The following SCARF2 variants were observed in gnomAD, a reference collection of about 807,000 sequenced individuals.
The protein encoded by SCARF2 is scavenger receptor expressed by endothelial cells 2 protein.
A neutral mutation model predicts 73.4 loss-of-function variants in SCARF2; 39 were observed. The ratio of observed to expected loss-of-function variants is 0.53; its 90% CI spans 0.41 to 0.69. The LOEUF (loss-of-function observed/expected upper bound fraction) is 0.69. Ranked by LOEUF, SCARF2 falls within the 30% of genes least tolerant of loss-of-function variation. The pLI is 0.00. For synonymous variants in SCARF2, 605 were observed against 590.0 expected, an observed-to-expected ratio of 1.03 and a Z score of -0.37; for missense variants, 1,148 against 1,303.5, an observed-to-expected ratio of 0.88 and a Z score of 1.84.
intron 3 of SCARF2, 79 bp from the exon 4 acceptor site, chr22:20,431,616 C>A: frequency 1.3e-6 from 2 of 1,542,992 alleles, no homozygotes; most frequent in Non-Finnish European, 1.7e-6. Context: ...CTGCCCGCGT[C>A]CCGCACTCCA....
intron 1 of SCARF2, among the ~76,000 whole-genome samples, chr22:20,434,896 C>T (rs1359105419): frequency 6.6e-6 from 1 of 152,316 alleles, no homozygotes; most frequent in South Asian, 2.1e-4. Context: ...ACCAGCCCGA[C>T]CCTCCTGCTG....
At chr22:20,430,956 C>G (rs948675827) in intron 4 of SCARF2, 48 bp from the exon 5 acceptor site, 6 of 1,564,664 alleles carry the variant, frequency 3.8e-6, no homozygotes, top group African/African-American at 1.4e-5. Context: ...CGCCTCACCC[C>G]TGTCCCCATC....
Position 20,431,744 on chromosome 22 carries a change from C to T in SCARF2, c.334+1G>A. On this transcript the variant is annotated splice_donor_variant, in intron 3 of 10. Transcript: ENST00000622235. LOFTEE classifies it high-confidence loss of function. Reference sequence around the variant, plus strand: ...CAATACCGGCCCGACCCCACGCTCACTGGTGTCGCAGTTGGCACCGAAGTA... The same window carrying T: ...CAATACCGGCCCGACCCCACGCTCATTGGTGTCGCAGTTGGCACCGAAGTA... 6.4e-7 allele frequency: 1 copy of T among 1,571,270 alleles called. No homozygotes were observed. The highest frequency in any genetic ancestry group is 1.2e-5 in the South Asian group (1 of 85,772).
rs1175875302 is a variant in SCARF2 at position 20,430,716 on chromosome 22, G to A, written c.1047C>T (p.Arg349=). ...GGTCGCCGATCCAGCCCGCGTTGCA[G>A]CGCGTACACTTGCCGGTGACATGGT... The part of the protein sequence containing the change: ...ACNHVTGKCT[R]CNAGWIGDRC... The change falls in exon 5 of 11, where the codon CGC becomes CGT. Residue 349 remains arginine (R), a synonymous_variant. Coordinates refer to ENST00000622235, the MANE Select transcript of SCARF2 (RefSeq NM_182895.5). The A allele has an allele frequency of 6.2e-7, 1 of 1,605,382 alleles. No individual in the cohort carries two copies. The highest frequency in any genetic ancestry group is 8.5e-7 in the Non-Finnish European group (1 of 1,176,494).
Position 20,426,257 on chromosome 22 carries a change from G to T in SCARF2, c.1719C>A (p.Pro573=). The change falls in exon 11 of 11, where the codon CCC becomes CCA. Residue 573 remains proline (P), a synonymous_variant. Coordinates refer to ENST00000622235, the MANE Select transcript of SCARF2 (RefSeq NM_182895.5). ...CCTCGGCAGGGACAGTGGGGACTTC[G>T]GGGTCCCGGCTCTCCGCTGGTGCCT... ...HEEAPAESRD[P]EVPTVPAEAP... 1 of 1,535,874 alleles carries T rather than the reference G, an allele frequency of 6.5e-7. No homozygotes were observed. The highest frequency in any genetic ancestry group is 2.4e-5 in the East Asian group (1 of 41,430).
chr22:20,434,139 G>GT (rs963117459), intron 1 of SCARF2, among the ~76,000 whole-genome samples: 2 of 152,086 alleles, frequency 1.3e-5, no homozygotes, highest in African/African-American at 4.8e-5. Flanking sequence ...GAGCCAAGAT[G>GT]TTTTTTTGCC....
rs1231464669 is a variant in SCARF2 at position 20,431,052 on chromosome 22, G to A, written c.820C>T (p.Pro274Ser). The A allele has an allele frequency of 6.4e-7, 1 of 1,562,082 alleles. No individual in the cohort carries two copies. The highest frequency in any genetic ancestry group is 8.6e-7 in the Non-Finnish European group (1 of 1,162,020). ...CAGCCCAAGCCGTAGAAGCCGGCGG[G>A]GCACGGCTCGCGACAGTACTTGCCG... is the stretch of plus-strand genomic sequence containing the variant. Reference protein sequence around the residue: ...YRGKYCREPCPAGFYGLGCRR... With the variant: ...YRGKYCREPCSAGFYGLGCRR... Residue 274 changes from proline to serine, a missense_variant, in exon 4 of 11, where the codon CCC becomes TCC. By Grantham distance (74) the Pro-to-Ser change is moderately conservative (BLOSUM62 -1). This residue lies in a region of SCARF2 where 372 missense variants were observed against 532.0 expected (regional missense o/e 0.70). Transcript: ENST00000622235.
rs777274845 is a variant in SCARF2 at position 20,426,122 on chromosome 22, G to A, written c.1854C>T (p.Pro618=). The A allele has an allele frequency of 6.1e-5, 90 of 1,474,042 alleles. No homozygotes were observed. The highest frequency in any genetic ancestry group is 7.1e-5 in the Non-Finnish European group (80 of 1,120,998). 91.3% of individuals were successfully genotyped at this position (1,474,042 alleles called of 1,614,324 possible). The change falls in exon 11 of 11, where the codon CCC becomes CCT. Residue 618 remains proline, a synonymous_variant. Transcript: ENST00000622235. ...CCACGCGCGCGTACAGAGCCCCTCC[G>A]GGCCCCTCCACGCTGGACGCCGACC... is the stretch of plus-strand genomic sequence containing the variant. ...SERSASSVEG[P]GGALYARVAR...
At chr22:20,427,928 T>C (rs1176641516) in intron 9 of SCARF2, among the ~76,000 whole-genome samples, 1 of 152,196 alleles carries the variant, frequency 6.6e-6, no homozygotes, top group Non-Finnish European at 1.5e-5. Flanking sequence ...CTTGTGCGAA[T>C]AAGGAAGCCT....
intron 10 of SCARF2, 118 bp from the exon 11 acceptor site, chr22:20,426,400 T>G (rs1271522377): frequency 1.7e-6 from 2 of 1,149,876 alleles, no homozygotes; most frequent in Non-Finnish European, 2.4e-6. Context: ...TGTGTCACCC[T>G]GGCATCTAGA....
chr22:20,435,925 G>A (rs1411662111), intron 1 of SCARF2, among the ~76,000 whole-genome samples: 2 of 152,220 alleles, frequency 1.3e-5, no homozygotes, highest in Non-Finnish European at 2.9e-5. Flanking sequence ...CTGCCTCCCA[G>A]GAAAGGGAAG....
chr22:20,435,046 C>T (rs1304433415), intron 1 of SCARF2, among the ~76,000 whole-genome samples: 1 of 152,214 alleles, frequency 6.6e-6, no homozygotes, highest in Non-Finnish European at 1.5e-5. Context: ...CAATGCTAGA[C>T]TTGCAAATCC....
At position 20,437,729 on chromosome 22, in the gene SCARF2, G is replaced by T. The variant is rs1314597893; in HGVS notation, c.26C>A (p.Ala9Asp). Residue 9 changes from alanine (A) to aspartate (D), a missense_variant, in exon 1 of 11, where the codon GCC (alanine) becomes GAC (aspartate). Physicochemically the swap from Ala to Asp is moderately radical, Grantham distance 126. This residue lies in a region of SCARF2 where 124 missense variants were observed against 120.4 expected (regional missense o/e 1.03). Coordinates refer to ENST00000622235, the MANE Select transcript of SCARF2 (RefSeq NM_182895.5). MEGAGPRG[A>D]GPARRRGAGG... ...GGCTCCCCGGCGCCGCGCCGGCCCG[G>T]CCCCCCGGGGCCCTGCGCCCTCCAT... 2.4e-6 allele frequency: 3 copies of T among 1,248,362 alleles called. No individual in the cohort carries two copies. Among genetic ancestry groups the T allele is most frequent in the Non-Finnish European group, 3.0e-6 (3 of 1,001,150 alleles). The allele number at this position is 1,248,362 out of a possible 1,614,324, so 77.3% of individuals were successfully genotyped here. A position where few individuals can be genotyped will look rare whatever the true frequency, so the allele number is the denominator to read the frequency against.
At chr22:20,426,304 G>A (rs763986145) in intron 10 of SCARF2, 22 bp from the exon 11 acceptor site, 5 of 1,531,948 alleles carry the variant, frequency 3.3e-6, no homozygotes, top group African/African-American at 1.4e-5. Flanking sequence ...AGAGCAGGGC[G>A]GTCACAGCCT....
At position 20,425,468 on chromosome 22, in the gene SCARF2, G is replaced by A. The variant is rs1361543218; in HGVS notation, c.2508C>T (p.Thr836=). 2.9e-6 allele frequency: 4 copies of A among 1,400,120 alleles called. No homozygotes were observed. Among genetic ancestry groups the A allele is most frequent in the African/African-American group, 1.5e-5 (1 of 67,186 alleles). The allele number at this position is 1,400,120 out of a possible 1,614,324, so 86.7% of individuals were successfully genotyped here. The change falls in exon 11 of 11, where the codon ACC becomes ACT. Residue 836 remains threonine (T), a synonymous_variant. Transcript: ENST00000622235. This position sits in a 1 kb window ranked among gnomAD's most constrained non-coding sequence, Gnocchi z 4.6. ...KAATDLPAPE[T]PRKKTPIQKP... ...TCTGGATGGGGGTCTTCTTCCGGGG[G>A]GTCTCAGGCGCGGGCAAGTCGGTCG... is the stretch of plus-strand genomic sequence containing the variant.
Position 20,425,135 on chromosome 22 carries a change from G to A in SCARF2, c.*240C>T, listed in dbSNP as rs1017750575. 7.6e-6 allele frequency: 3 copies of A among 393,880 alleles called. No individual in the cohort carries two copies. Among genetic ancestry groups the A allele is most frequent in the Admixed American group, 8.9e-5 (2 of 22,450 alleles). The allele number at this position is 393,880 out of a possible 1,614,324, so 24.4% of individuals were successfully genotyped here. On this transcript the variant is annotated 3_prime_UTR_variant, in exon 11 of 11. Transcript: ENST00000622235. The surrounding 1 kb of genome is among the most constrained non-coding windows in gnomAD (Gnocchi z 4.6). ...GAGCGCTCCATAACTCGGCCAATGG[G>A]GAGGGAGTCGCCCGCTAAGCGCCTG...
chr22:20,426,367 T>C, intron 10 of SCARF2, 85 bp from the exon 11 acceptor site: 1 of 1,443,594 alleles, frequency 6.9e-7, no homozygotes, highest in East Asian at 2.5e-5. Flanking sequence ...TCACCTTTCC[T>C]CCTCTACCCA....
chr22:20,425,945 A>G lies in SCARF2; in HGVS notation c.2031T>C (p.Ala677=). The G allele has an allele frequency of 6.3e-7, 1 of 1,594,582 alleles. No individual in the cohort carries two copies. The highest frequency in any genetic ancestry group is 8.5e-7 in the Non-Finnish European group (1 of 1,174,580). The change falls in exon 11 of 11, where the codon GCT becomes GCC. Residue 677 remains alanine, a synonymous_variant. Coordinates refer to ENST00000622235, the MANE Select transcript of SCARF2 (RefSeq NM_182895.5). The surrounding 1 kb of genome is among the most constrained non-coding windows in gnomAD (Gnocchi z 4.6). Reference sequence around the variant, plus strand: ...GCGGCGGTGGTGAGGGCGCACGGCCAGCTGCAGCGGCGCTGTGCTTGCCGT... The same window carrying G: ...GCGGCGGTGGTGAGGGCGCACGGCCGGCTGCAGCGGCGCTGTGCTTGCCGT... ...WIHGKHSAAA[A]GRAPSPPPPG... is the part of the protein sequence containing the mutation.
At position 20,429,581 on chromosome 22, in the gene SCARF2, A is replaced by C; in HGVS notation, c.1379T>G (p.Leu460Arg). 6.2e-7 allele frequency: 1 copy of C among 1,613,390 alleles called. No individual in the cohort carries two copies. Among genetic ancestry groups the C allele is most frequent in the Non-Finnish European group, 8.5e-7 (1 of 1,179,888 alleles). ...LVLLVCLLLS[L>R]LGCCCACRGK... ...GCGGCAAGCGCAGCAGCAGCCGAGC[A>C]GCGAGAGCAGCAGGCAGACGAGCAG... The change falls in exon 8 of 11, where the codon CTG becomes CGG. Residue 460 changes from leucine to arginine, a missense_variant. Transcript: ENST00000622235. The surrounding 1 kb of genome is among the most constrained non-coding windows in gnomAD (Gnocchi z 5.2).
Sources: allele counts gnomAD v4.1 joint callset (sites outside exome capture counted in the v4.1 genomes callset), GRCh38; gene constraint gnomAD v4.1.1; regional missense constraint gnomAD v4.1.1; non-coding constraint Gnocchi (gnomAD v3.1); transcripts MANE v1.5; gene names NCBI Gene and HGNC (gene_info 2026-07-23, HGNC 2026-07-21).